The following SUN2 variants were observed in gnomAD, a reference collection of about 807,000 sequenced individuals.
SUN2 encodes the protein SUN domain-containing protein 2.
A neutral mutation model predicts 100.0 loss-of-function variants in SUN2; 60 were observed. That is an observed-to-expected ratio of 0.60 (90% CI 0.49 to 0.74). The LOEUF is 0.74. Ranked by LOEUF, SUN2 falls within the 30% of genes least tolerant of loss-of-function variation. The pLI, the probability that SUN2 is intolerant of heterozygous loss-of-function variation, is 0.00. For synonymous variants in SUN2, 367 were observed against 403.3 expected, an observed-to-expected ratio of 0.91 and a Z score of 1.08; for missense variants, 834 against 954.6, an observed-to-expected ratio of 0.87 and a Z score of 1.66.
intron 5 of SUN2, 21 bp from the exon 6 acceptor site, chr22:38,749,880 C>A: frequency 6.2e-7 from 1 of 1,605,280 alleles, no homozygotes. Flanking sequence ...GACCATCAAG[C>A]CGAAGGCTCC....
Position 38,746,274 on chromosome 22 carries a change from C to T in SUN2, c.686-463G>A, listed in dbSNP as rs1035612095. Among the ~76,000 whole-genome samples the T allele has an allele frequency of 1.1e-4, 16 of 152,114 alleles. 1 individual carries two copies. Among genetic ancestry groups the T allele is most frequent in the South Asian group, 8.3e-4 (4 of 4,826 alleles). On this transcript the variant is annotated intron_variant, in intron 7 of 17. Coordinates refer to ENST00000689035, the MANE Select transcript of SUN2 (RefSeq NM_015374.3). ...AAGCTTCCTGGTGACTGTCATGGGC[C>T]GCCATGGCTGAGAGTCACTGCAACA...
In SUN2 at chr22:38,742,360, T is replaced by A. The variant is rs781202948; in HGVS notation, c.1009A>T (p.Ser337Cys). 6.2e-7 allele frequency: 1 copy of A among 1,612,210 alleles called. No homozygotes were observed. The highest frequency in any genetic ancestry group is 1.3e-5 in the African/African-American group (1 of 74,904). The change falls in exon 9 of 18, where the codon AGC becomes TGC. Residue 337 changes from serine to cysteine, a missense_variant. By Grantham distance (112) the Ser-to-Cys change is moderately radical. Around this residue, in one of 3 missense-constraint regions of SUN2, gnomAD observed 559 missense variants for 597.7 expected, o/e 0.94. Coordinates refer to ENST00000689035, the MANE Select transcript of SUN2 (RefSeq NM_015374.3). ...TCCTTCAGGGCAGCTTCACGGCGGCTCACTAGCCCCTCCAGCAGCGCCAGG... is the reference window on the plus strand; with the variant it reads ...TCCTTCAGGGCAGCTTCACGGCGGCACACTAGCCCCTCCAGCAGCGCCAGG... The part of the protein sequence containing the change: ...DTLALLEGLV[S>C]RREAALKEDF...
At chr22:38,742,577 C>T (rs1210159158) in intron 8 of SUN2, 22 bp from the exon 9 acceptor site, 1 of 1,595,146 alleles carries the variant, frequency 6.3e-7, no homozygotes, top group East Asian at 2.2e-5. Context: ...GAGAGAGAGC[C>T]ACGGAGTGAG....
At chr22:38,741,446 T>C in intron 10 of SUN2, 48 bp downstream of exon 10, 1 of 1,574,728 alleles carries the variant, frequency 6.4e-7, no homozygotes, top group Non-Finnish European at 8.7e-7. Context: ...ACATGTTGGA[T>C]GGGGTCAGGA....
At position 38,739,572 on chromosome 22, in the gene SUN2, C is replaced by CCCA; in HGVS notation, c.1578+147_1579-147dup. On this transcript the variant is annotated intron_variant, in intron 13 of 17. Coordinates refer to ENST00000689035, the MANE Select transcript of SUN2 (RefSeq NM_015374.3). This position sits in a 1 kb window ranked among gnomAD's most constrained non-coding sequence, Gnocchi z 6.7. ...CCAGGCAGATGTGGGCACACTGCCA[C>CCCA]CCACCCATGCCAGCCCCACAGCATG... 7.8e-7 allele frequency: 1 copy of CCCA among 1,281,294 alleles called. No individual in the cohort carries two copies. The highest frequency in any genetic ancestry group is 1.1e-6 in the Non-Finnish European group (1 of 907,694). The allele number at this position is 1,281,294 out of a possible 1,614,324, so 79.4% of individuals were successfully genotyped here. A position where few individuals can be genotyped will look rare whatever the true frequency, so the allele number is the denominator to read the frequency against.
rs192141486 is a variant in SUN2 at position 38,742,701 on chromosome 22, C to T, written c.814-146G>A. On this transcript the variant is annotated intron_variant, in intron 8 of 17. Coordinates refer to ENST00000689035, the MANE Select transcript of SUN2 (RefSeq NM_015374.3). ...TAAGGCCATGCAGGGCCGGCTGGAGCTCGTGGGCAGGGGCTGCCGACCTCT... is the reference window on the plus strand; with the variant it reads ...TAAGGCCATGCAGGGCCGGCTGGAGTTCGTGGGCAGGGGCTGCCGACCTCT... The T allele has an allele frequency of 6.4e-5, 71 of 1,106,122 alleles. No homozygotes were observed. In the African/African-American group the frequency reaches 9.4e-4, roughly 15 times the overall value. The allele number at this position is 1,106,122 out of a possible 1,614,324, so 68.5% of individuals were successfully genotyped here. A position where few individuals can be genotyped will look rare whatever the true frequency, so the allele number is the denominator to read the frequency against.
chr22:38,754,794 C>T (rs554327159), intron 1 of SUN2: 4 of 1,285,252 alleles, frequency 3.1e-6, no homozygotes, highest in Admixed American at 2.3e-5. Flanking sequence ...GGAGGTTGAG[C>T]GGGGAGTGCT....
Position 38,736,100 on chromosome 22 carries a change from G to A in SUN2, c.*167C>T. 1 of 711,552 alleles carries A rather than the reference G, an allele frequency of 1.4e-6. No homozygotes were observed. The highest frequency in any genetic ancestry group is 2.5e-6 in the Non-Finnish European group (1 of 392,408). The allele number at this position is 711,552 out of a possible 1,614,324, so 44.1% of individuals were successfully genotyped here. ...TGCTGGAGCCTGCTAACCGCCTCGA[G>A]CCACCTGCTGCTCAGGAGACCCTGC... is the stretch of plus-strand genomic sequence containing the variant. On this transcript the variant is annotated 3_prime_UTR_variant, in exon 18 of 18. Coordinates refer to ENST00000689035, the MANE Select transcript of SUN2 (RefSeq NM_015374.3).
intron 7 of SUN2, among the ~76,000 whole-genome samples, chr22:38,747,802 GT>G (rs1470678195): frequency 2.0e-5 from 3 of 151,930 alleles, no homozygotes; most frequent in African/African-American, 4.8e-5. Context: ...AATTAGCCAT[GT>G]GTGGTGCTGC....
chr22:38,741,078 G>T, intron 10 of SUN2, 28 bp from the exon 11 acceptor site: 1 of 1,583,738 alleles, frequency 6.3e-7, no homozygotes. Flanking sequence ...ACAAATACAA[G>T]AAATACTCAT....
intron 2 of SUN2, among the ~76,000 whole-genome samples, chr22:38,752,265 C>T (rs1330566863): frequency 2.0e-5 from 3 of 152,228 alleles, no homozygotes; most frequent in Admixed American, 2.0e-4. Context: ...CTACCACTTC[C>T]TGTTTTCTAA....
chr22:38,751,538 G>A (rs1043783516), intron 2 of SUN2, 165 bp from the exon 3 acceptor site: 11 of 662,806 alleles, frequency 1.7e-5, no homozygotes, highest in Admixed American at 1.2e-4. Flanking sequence ...ATGCTGGCAC[G>A]TCCTCTCCTG....
In SUN2 at chr22:38,751,293, G is replaced by A; in HGVS notation, c.203C>T (p.Ser68Phe). Residue 68 changes from serine (S) to phenylalanine (F), a missense_variant, in exon 3 of 18, where the codon TCC becomes TTC. Coordinates refer to ENST00000689035, the MANE Select transcript of SUN2 (RefSeq NM_015374.3). ...GTGGACCAGCGACTCACTGTAGTAGGAGGTGTGTGCATCAGAGGACGGGCC... is the reference window on the plus strand; with the variant it reads ...GTGGACCAGCGACTCACTGTAGTAGAAGGTGTGTGCATCAGAGGACGGGCC... Reference protein sequence around the residue: ...QLGPSSDAHTSYYSESLVHES... With the variant: ...QLGPSSDAHTFYYSESLVHES... 1 of 1,614,184 alleles carries A rather than the reference G, an allele frequency of 6.2e-7. No homozygotes were observed. Among genetic ancestry groups the A allele is most frequent in the South Asian group, 1.1e-5 (1 of 91,092 alleles).
rs951664964 is a variant in SUN2, at chr22:38,755,737, C to A, written c.-38+26G>T. 5 of 985,104 alleles carry A rather than the reference C, an allele frequency of 5.1e-6. No homozygotes were observed. The highest frequency in any genetic ancestry group is 6.0e-6 in the Non-Finnish European group (5 of 829,834). The allele number at this position is 985,104 out of a possible 1,614,324, so 61.0% of individuals were successfully genotyped here. A position where few individuals can be genotyped will look rare whatever the true frequency, so the allele number is the denominator to read the frequency against. The stretch of plus-strand genomic sequence containing the variant: ...TCAGGCCGGGCCGCGGCCCCCCAAC[C>A]CTCTCCTGAGCTCGCCCGCACTCAC... On this transcript the variant is annotated intron_variant, in intron 1 of 17. Coordinates refer to ENST00000689035, the MANE Select transcript of SUN2 (RefSeq NM_015374.3). This position sits in a 1 kb window ranked among gnomAD's most constrained non-coding sequence, Gnocchi z 5.7.
chr22:38,753,899 G>T (rs537926635), intron 1 of SUN2, among the ~76,000 whole-genome samples: 1 of 152,300 alleles, frequency 6.6e-6, no homozygotes, highest in South Asian at 2.1e-4. Context: ...TTTCAGGAAT[G>T]TATTGAAGAT....
In SUN2 at chr22:38,736,197, G is replaced by A. The variant is rs756800474; in HGVS notation, c.*70C>T. The A allele has an allele frequency of 4.2e-5, 60 of 1,423,750 alleles. No individual in the cohort carries two copies. The highest frequency in any genetic ancestry group is 1.8e-4 in the Middle Eastern group (1 of 5,658). 88.2% of individuals were successfully genotyped at this position (1,423,750 alleles called of 1,614,324 possible). On this transcript the variant is annotated 3_prime_UTR_variant, in exon 18 of 18. Transcript: ENST00000689035. Reference sequence around the variant, plus strand: ...CTAGAAGTCAGAGCGCCGAGCAAGCGTGTGGGGGAAGCGGCGGGGTGCTGT... The same window carrying A: ...CTAGAAGTCAGAGCGCCGAGCAAGCATGTGGGGGAAGCGGCGGGGTGCTGT...
intron 1 of SUN2, chr22:38,754,638 C>CT: frequency 7.8e-7 from 1 of 1,286,628 alleles, no homozygotes; most frequent in South Asian, 1.2e-5. Flanking sequence ...CGTACGGTCC[C>CT]TACCTGAAGG....
chr22:38,742,430 C>G lies in SUN2; in HGVS notation c.939G>C (p.Gly313=). Residue 313 remains glycine (G), a synonymous_variant, in exon 9 of 18, where the codon GGG becomes GGC. Transcript: ENST00000689035. The part of the protein sequence containing the change: ...MRLERLELRQ[G]APGQGGGGGL... ...CACCACCACCTCCCTGGCCAGGAGC[C>G]CCTTGCCGCAGCTCCAGACGTTCCA... 1 of 1,613,576 alleles carries G rather than the reference C, an allele frequency of 6.2e-7. No homozygotes were observed. Among genetic ancestry groups the G allele is most frequent in the South Asian group, 1.1e-5 (1 of 91,088 alleles).
chr22:38,746,833 C>T (rs1428833627), intron 7 of SUN2, among the ~76,000 whole-genome samples: 1 of 150,586 alleles, frequency 6.6e-6, no homozygotes, highest in Admixed American at 6.7e-5. Flanking sequence ...AGATCGAGAC[C>T]ATCCTGGCTA....
Sources: allele counts gnomAD v4.1 joint callset (sites outside exome capture counted in the v4.1 genomes callset), GRCh38; gene constraint gnomAD v4.1.1; regional missense constraint gnomAD v4.1.1; non-coding constraint Gnocchi (gnomAD v3.1); transcripts MANE v1.5; gene names NCBI Gene and HGNC (gene_info 2026-07-23, HGNC 2026-07-21).